The following LFNG variants were observed in gnomAD, a reference collection of about 807,000 sequenced individuals.
The protein encoded by LFNG is LFNG O-fucosylpeptide 3-beta-N-acetylglucosaminyltransferase, also known as beta-1,3-N-acetylglucosaminyltransferase lunatic fringe.
A neutral mutation model predicts 32.7 loss-of-function variants in LFNG; 15 were observed. That is an observed-to-expected ratio of 0.46 (90% CI 0.31 to 0.71). The LOEUF (loss-of-function observed/expected upper bound fraction) is 0.71, where lower values mean the gene tolerates loss of function less well. LFNG is among the 30% of genes least tolerant of loss of function. The pLI, the probability that LFNG is intolerant of heterozygous loss-of-function variation, is 0.06. For missense variants in LFNG, 520 were observed against 545.7 expected (o/e 0.95, Z 0.47); for synonymous variants, 274 against 246.8 (o/e 1.11, Z -1.03).
chr7:2,520,368 C>G lies in LFNG; in HGVS notation c.432+75C>G, dbSNP rs1779757486. ...CATCTGGTCCAGCTGGTGGCAGTGT[C>G]CCATGGGAGTCAGGCTGCATCCCCA... is the stretch of plus-strand genomic sequence containing the variant. On this transcript the variant is annotated intron_variant, in intron 1 of 7. Coordinates refer to ENST00000222725, the MANE Select transcript of LFNG (RefSeq NM_001040167.2). The surrounding 1 kb of genome is among the most constrained non-coding windows in gnomAD (Gnocchi z 5.0). 1 of 1,340,184 alleles carries G rather than the reference C, an allele frequency of 7.5e-7. No homozygotes were observed. The highest frequency in any genetic ancestry group is 1.0e-6 in the Non-Finnish European group (1 of 965,622). The allele number at this position is 1,340,184 out of a possible 1,614,324, so 83.0% of individuals were successfully genotyped here. A position where few individuals can be genotyped will look rare whatever the true frequency, so the allele number is the denominator to read the frequency against.
At chr7:2,514,049 C>T (rs1779552082), upstream of LFNG, among the ~76,000 whole-genome samples, 1 of 152,260 alleles carries the variant, frequency 6.6e-6, no homozygotes, top group African/African-American at 2.4e-5. Flanking sequence ...GAGTGAGACC[C>T]CCTGAGGCCT....
upstream of LFNG, among the ~76,000 whole-genome samples, chr7:2,515,300 A>G (rs1341132319): frequency 7.0e-6 from 1 of 143,882 alleles, no homozygotes; most frequent in Non-Finnish European, 1.5e-5. Context: ...TCCCCCCACC[A>G]TCAGTTCAAC....
Position 2,520,244 on chromosome 7 carries a change from C to T in LFNG, c.383C>T (p.Ala128Val), listed in dbSNP as rs968802118. 1.2e-6 allele frequency: 2 copies of T among 1,610,070 alleles called. No individual in the cohort carries two copies. Among genetic ancestry groups the T allele is most frequent in the Admixed American group, 1.7e-5 (1 of 59,918 alleles). Residue 128 changes from alanine to valine, a missense_variant, in exon 1 of 8, where the codon GCG (alanine) becomes GTG (valine). This residue lies in a region of LFNG where 360 missense variants were observed against 354.7 expected (regional missense o/e 1.01). Coordinates refer to ENST00000222725, the MANE Select transcript of LFNG (RefSeq NM_001040167.2). The surrounding 1 kb of genome is among the most constrained non-coding windows in gnomAD (Gnocchi z 5.0). The stretch of plus-strand genomic sequence containing the variant: ...AAGACCACCAAAAAGTTCCACCGCG[C>T]GCGCCTCGACCTGCTGCTGGAGACC... The part of the protein sequence containing the change: ...AVKTTKKFHR[A>V]RLDLLLETWI...
At chr7:2,517,089 C>G (rs1196706764), upstream of LFNG, among the ~76,000 whole-genome samples, 5 of 152,188 alleles carry the variant, frequency 3.3e-5, no homozygotes, top group Admixed American at 1.3e-4. Context: ...ACTTCCCTAC[C>G]AGGGCTGTGT....
chr7:2,512,545 C>T (rs1402941126), exon 1 of LFNG: 1 of 948,918 alleles, frequency 1.1e-6, no homozygotes, highest in African/African-American at 1.6e-5. Flanking sequence ...AGCTGCAACA[C>T]TGGCAGAGCC....
rs1227464184 is a variant in LFNG, at chr7:2,526,728, G to A, written c.988-108G>A. ...AGGGCAGGTGTCCTTCCAGGTCCAA[G>A]GGAGGCCAGGGCAGGGCCGTTGCCT... On this transcript the variant is annotated intron_variant, in intron 6 of 7. Transcript: ENST00000222725. This position sits in a 1 kb window ranked among gnomAD's most constrained non-coding sequence, Gnocchi z 6.9. 4.8e-6 allele frequency: 5 copies of A among 1,034,312 alleles called. No individual in the cohort carries two copies. The highest frequency in any genetic ancestry group is 1.9e-5 in the Admixed American group (1 of 52,974). 64.1% of individuals were successfully genotyped at this position (1,034,312 alleles called of 1,614,324 possible). A position where few individuals can be genotyped will look rare whatever the true frequency, so the allele number is the denominator to read the frequency against.
chr7:2,525,801 G>C, intron 5 of LFNG, 31 bp downstream of exon 5: 1 of 1,580,594 alleles, frequency 6.3e-7, no homozygotes, highest in Non-Finnish European at 8.6e-7. Context: ...AGGCCAGCCC[G>C]GTCCCAGGCT....
chr7:2,513,220 G>C, upstream of LFNG: 1 of 1,611,354 alleles, frequency 6.2e-7, no homozygotes, highest in Admixed American at 1.7e-5. Flanking sequence ...ACATGAAATG[G>C]ATGGAAGGAT....
chr7:2,520,058 C>A lies in LFNG; in HGVS notation c.197C>A (p.Ala66Glu). Reference sequence around the variant, plus strand: ...GGGGCGGCGGCGGCGGCGCCCGGGGCGCTGGTCCGCGACGTGCACAGTCTG... The same window carrying A: ...GGGGCGGCGGCGGCGGCGCCCGGGGAGCTGGTCCGCGACGTGCACAGTCTG... Reference protein sequence around the residue: ...GLGAAAAAPGALVRDVHSLSE... With the variant: ...GLGAAAAAPGELVRDVHSLSE... Residue 66 changes from alanine (A) to glutamate (E), a missense_variant, in exon 1 of 8, where the codon GCG becomes GAG. Transcript: ENST00000222725. This position sits in a 1 kb window ranked among gnomAD's most constrained non-coding sequence, Gnocchi z 5.0. 8.6e-7 allele frequency: 1 copy of A among 1,156,548 alleles called. No homozygotes were observed. The allele number at this position is 1,156,548 out of a possible 1,614,324, so 71.6% of individuals were successfully genotyped here. A position where few individuals can be genotyped will look rare whatever the true frequency, so the allele number is the denominator to read the frequency against.
chr7:2,516,924 G>C (rs1331767184), upstream of LFNG, among the ~76,000 whole-genome samples: 1 of 152,176 alleles, frequency 6.6e-6, no homozygotes, highest in African/African-American at 2.4e-5. Context: ...GGGTTCGGAA[G>C]GCAGGCTGGG....
Position 2,520,205 on chromosome 7 carries a change from T to C in LFNG, c.344T>C (p.Val115Ala). 4 of 1,598,792 alleles carry C rather than the reference T, an allele frequency of 2.5e-6. No individual in the cohort carries two copies. The highest frequency in any genetic ancestry group is 3.4e-6 in the Non-Finnish European group (4 of 1,173,630). Reference sequence around the variant, plus strand: ...GCCGAGCCGCTCGCGCCCCGAGACGTCTTCATCGCTGTCAAGACCACCAAA... The same window carrying C: ...GCCGAGCCGCTCGCGCCCCGAGACGCCTTCATCGCTGTCAAGACCACCAAA... ...PLAEPLAPRD[V>A]FIAVKTTKKF... is the part of the protein sequence containing the mutation. Residue 115 changes from valine (V) to alanine (A), a missense_variant, in exon 1 of 8, where the codon GTC (valine) becomes GCC (alanine). By Grantham distance (64) the Val-to-Ala change is moderately conservative. Around this residue, in one of 3 missense-constraint regions of LFNG, gnomAD observed 360 missense variants for 354.7 expected, o/e 1.01. Transcript: ENST00000222725. The surrounding 1 kb of genome is among the most constrained non-coding windows in gnomAD (Gnocchi z 5.0).
In LFNG at chr7:2,528,086, G is replaced by C; in HGVS notation, c.*874G>C. On this transcript the variant is annotated 3_prime_UTR_variant, in exon 8 of 8. Coordinates refer to ENST00000222725, the MANE Select transcript of LFNG (RefSeq NM_001040167.2). ...TTTGCTTGGGAGGGTGGGGGTGGGGGAGGGTCTTATTTTATCTTATCTTTT... is the reference window on the plus strand; with the variant it reads ...TTTGCTTGGGAGGGTGGGGGTGGGGCAGGGTCTTATTTTATCTTATCTTTT... The C allele has an allele frequency of 7.1e-6, 1 of 141,512 alleles. No homozygotes were observed. The highest frequency in any genetic ancestry group is 1.4e-5 in the Non-Finnish European group (1 of 70,494). 8.8% of individuals were successfully genotyped at this position (141,512 alleles called of 1,614,324 possible).
chr7:2,516,158 G>A (rs958738101), upstream of LFNG, among the ~76,000 whole-genome samples: 3 of 152,240 alleles, frequency 2.0e-5, no homozygotes, highest in Non-Finnish European at 1.5e-5. Flanking sequence ...GTGCAGGCTT[G>A]CCCGAGCCAC....
downstream of LFNG, chr7:2,529,062 T>G (rs1780079393): frequency 2.4e-6 from 1 of 413,962 alleles, no homozygotes; most frequent in Non-Finnish European, 4.3e-6. The surrounding 1 kb of genome is among the most constrained non-coding windows in gnomAD (Gnocchi z 4.2). Context: ...GTGGGAAGAG[T>G]CCTGGAGAGC....
chr7:2,518,802 A>AG (rs1336106004), upstream of LFNG, among the ~76,000 whole-genome samples: 1 of 152,016 alleles, frequency 6.6e-6, no homozygotes, highest in Non-Finnish European at 1.5e-5. Context: ...CGTGGCGGGC[A>AG]GGGGGCTCAC....
upstream of LFNG, chr7:2,518,694 C>T: frequency 1.3e-6 from 2 of 1,495,956 alleles, no homozygotes; most frequent in South Asian, 1.3e-5. Flanking sequence ...ACGGTGGTGG[C>T]GGTGGTGGTC....
At chr7:2,522,154 G>GAGGCT (rs1779810067) in intron 1 of LFNG, among the ~76,000 whole-genome samples, 1 of 152,234 alleles carries the variant, frequency 6.6e-6, no homozygotes, top group African/African-American at 2.4e-5. Context: ...AAAACCCCGA[G>GAGGCT]AGGCTGTGTG....
chr7:2,528,895 G>A, downstream of LFNG: 1 of 546,458 alleles, frequency 1.8e-6, no homozygotes, highest in Non-Finnish European at 3.4e-6. Context: ...GAGGCACGGA[G>A]CAGCTGATGC....
chr7:2,522,946 T>C (rs1324459251), intron 1 of LFNG, among the ~76,000 whole-genome samples: 1 of 152,140 alleles, frequency 6.6e-6, no homozygotes, highest in Non-Finnish European at 1.5e-5. Context: ...TTTCCTCCCC[T>C]CCTGGTGGCT....
Sources: gnomAD v4.1 joint callset for allele counts (sites outside exome capture counted in the v4.1 genomes callset) on GRCh38, gnomAD v4.1.1 for gene constraint, gnomAD v4.1.1 regional missense constraint, Gnocchi (gnomAD v3.1) non-coding constraint, MANE v1.5 for transcripts, NCBI Gene and HGNC (gene_info 2026-07-23, HGNC 2026-07-21) for gene names.